The following TEC variants were observed in gnomAD, a reference collection of about 807,000 sequenced individuals.
TEC encodes tyrosine-protein kinase Tec.
A neutral mutation model predicts 93.0 loss-of-function variants in TEC; 72 were observed. The observed-to-expected ratio is 0.77, with a 90% CI of 0.64 to 0.94. TEC has a LOEUF of 0.94. Ranked by LOEUF, TEC falls within the 40% of genes least tolerant of loss-of-function variation. The pLI is 0.00. For synonymous variants in TEC, 249 were observed against 247.7 expected (o/e 1.01, Z -0.05); for missense variants, 630 against 757.9 (o/e 0.83, Z 1.98).
intron 1 of TEC, among the ~76,000 whole-genome samples, chr4:48,246,722 C>G (rs1724067424): frequency 6.6e-6 from 1 of 152,086 alleles, no homozygotes; most frequent in Admixed American, 6.6e-5. Context: ...TAAATTTGGA[C>G]CTCTACCTCA....
At chr4:48,189,411 G>A (rs578230241) in intron 2 of TEC, among the ~76,000 whole-genome samples, 1 of 152,296 alleles carries the variant, frequency 6.6e-6, no homozygotes, top group African/African-American at 2.4e-5. Flanking sequence ...CTAACTCTCA[G>A]CCACCTCTCC....
chr4:48,239,133 A>G (rs562956308), intron 1 of TEC, among the ~76,000 whole-genome samples: 4 of 151,286 alleles, frequency 2.6e-5, no homozygotes, highest in African/African-American at 4.9e-5. Flanking sequence ...AATGCTTTTG[A>G]AAAAAAAAGC....
At chr4:48,177,952 G>C (rs4323077) in intron 2 of TEC, among the ~76,000 whole-genome samples, 57,673 of 151,990 alleles carry the variant, frequency 0.38, 11,971 homozygotes, top group East Asian at 0.9. Flanking sequence ...GAGGCCTCCC[G>C]AGTCATTCAG....
rs777621168 is a variant in TEC, at chr4:48,145,476, G to T, written c.1185C>A (p.Val395=). The change falls in exon 13 of 18, where the codon GTC becomes GTA. Residue 395 remains valine, a synonymous_variant. Transcript: ENST00000381501. ...RLGKWRAQYK[V]AIKAIREGAM... ...CACCTTCCCGAATAGCTTTGATTGC[G>T]ACTTTGTACTGGGCTCGCCATTTGC... 2 of 1,613,900 alleles carry T rather than the reference G, an allele frequency of 1.2e-6. No individual in the cohort carries two copies. The highest frequency in any genetic ancestry group is 3.3e-5 in the Admixed American group (2 of 59,976).
chr4:48,198,803 A>G (rs1722392289), intron 2 of TEC, among the ~76,000 whole-genome samples: 1 of 152,298 alleles, frequency 6.6e-6, no homozygotes, highest in Non-Finnish European at 1.5e-5. Flanking sequence ...ATTTAAGAAA[A>G]AAGAAAAAAC....
chr4:48,138,550 C>T lies in TEC; in HGVS notation c.1812+115G>A, dbSNP rs1719523709. Reference sequence around the variant, plus strand: ...GAGAGGGTTGGCTTCCTACCTAGAGCTTGAAATCACTATAAAGATGCACCA... The same window carrying T: ...GAGAGGGTTGGCTTCCTACCTAGAGTTTGAAATCACTATAAAGATGCACCA... On this transcript the variant is annotated intron_variant, in intron 17 of 17. Transcript: ENST00000381501. 1.3e-5 allele frequency: 16 copies of T among 1,250,562 alleles called. No individual in the cohort carries two copies. The South Asian group carries it at 2.2e-4, about 17-fold the overall frequency. The allele number at this position is 1,250,562 out of a possible 1,614,324, so 77.5% of individuals were successfully genotyped here.
At chr4:48,244,177 C>G (rs1268247845) in intron 1 of TEC, among the ~76,000 whole-genome samples, 2 of 152,158 alleles carry the variant, frequency 1.3e-5, no homozygotes, top group Non-Finnish European at 2.9e-5. Context: ...ACTCCTTCCT[C>G]TCCCCACACT....
rs1162645278 is a variant in TEC, at chr4:48,228,567, C to T, written c.48G>A (p.Gln16=). ...ILEEILIKRS[Q]QKKKTSPLNY... is the part of the protein sequence containing the mutation. Reference sequence around the variant, plus strand: ...TTAAGGGCGATGTCTTCTTTTTCTGCTGTGACCTTTTAATAAGAATCTCCT... The same window carrying T: ...TTAAGGGCGATGTCTTCTTTTTCTGTTGTGACCTTTTAATAAGAATCTCCT... The change falls in exon 2 of 18, where the codon CAG becomes CAA. Residue 16 remains glutamine, a synonymous_variant. Transcript: ENST00000381501. 1 of 1,613,886 alleles carries T rather than the reference C, an allele frequency of 6.2e-7. No individual in the cohort carries two copies. The highest frequency in any genetic ancestry group is 1.1e-5 in the South Asian group (1 of 91,024).
chr4:48,219,489 C>T (rs1432311737), intron 2 of TEC, among the ~76,000 whole-genome samples: 1 of 152,218 alleles, frequency 6.6e-6, no homozygotes, highest in African/African-American at 2.4e-5. Context: ...TCATGCTCCT[C>T]CTGTACTCCT....
rs149527257 is a variant in TEC, at chr4:48,240,140, T to C, written c.-45-11481A>G. ...GAAGAGTATAGACAAAATAAAATTG[T>C]TCATGAGTTGATAACTATTGAAGTT... On this transcript the variant is annotated intron_variant, in intron 1 of 17. Transcript: ENST00000381501. Among the ~76,000 whole-genome samples, 4 of 152,302 alleles carry C rather than the reference T, an allele frequency of 2.6e-5. No individual in the cohort carries two copies. In the East Asian group the frequency reaches 5.8e-4, roughly 22 times the overall value.
At chr4:48,179,356 A>ATATC (rs1553888303) in intron 2 of TEC, among the ~76,000 whole-genome samples, 11 of 34,486 alleles carry the variant, frequency 3.2e-4, no homozygotes, top group African/African-American at 1.3e-3. Context: ...ATATATATAT[A>ATATC]TATATATATA....
chr4:48,181,085 G>A lies in TEC; in HGVS notation c.139-4899C>T, dbSNP rs78070781. Among the ~76,000 whole-genome samples, 568 of 152,218 alleles carry A rather than the reference G, an allele frequency of 3.7e-3. 9 individuals carry two copies. Among genetic ancestry groups the A allele is most frequent in the Admixed American group, 0.027 (411 of 15,292 alleles). On this transcript the variant is annotated intron_variant, in intron 2 of 17. Coordinates refer to ENST00000381501, the MANE Select transcript of TEC (RefSeq NM_003215.3). ...TTGAGTTTGAGTGACCAGGAAACAC[G>A]GACACCATGAATCATGAGAAGGAAC...
At chr4:48,175,109 G>A (rs892466546) in intron 3 of TEC, among the ~76,000 whole-genome samples, 1 of 152,146 alleles carries the variant, frequency 6.6e-6, no homozygotes, top group African/African-American at 2.4e-5. Flanking sequence ...TATAAAATAA[G>A]GAACAGGGAA....
chr4:48,243,849 G>C (rs1723982799), intron 1 of TEC, among the ~76,000 whole-genome samples: 1 of 151,832 alleles, frequency 6.6e-6, no homozygotes, highest in South Asian at 2.1e-4. Context: ...AATAGAATTA[G>C]GAGAAACAAC....
At chr4:48,227,536 C>T (rs555801280) in intron 2 of TEC, among the ~76,000 whole-genome samples, 4 of 149,258 alleles carry the variant, frequency 2.7e-5, no homozygotes, top group South Asian at 2.2e-4. Flanking sequence ...CCCAGCTACT[C>T]GGGAAGCTGC....
chr4:48,240,382 C>T (rs746194811), intron 1 of TEC, among the ~76,000 whole-genome samples: 2 of 151,994 alleles, frequency 1.3e-5, no homozygotes, highest in Non-Finnish European at 2.9e-5. Context: ...AGACAAACAA[C>T]ACAAGAAAAA....
intron 7 of TEC, among the ~76,000 whole-genome samples, chr4:48,164,822 C>G (rs565856784): frequency 6.6e-6 from 1 of 151,900 alleles, no homozygotes; most frequent in Non-Finnish European, 1.5e-5. Context: ...GCCAACATGG[C>G]GAAACCCTAT....
Position 48,188,888 on chromosome 4 carries a change from T to TGTGTGTGTGTGTGC in TEC, c.139-12703_139-12702insGCACACACACACAC, listed in dbSNP as rs1560399754. 1.1e-4 allele frequency among the ~76,000 whole-genome samples: 16 copies of TGTGTGTGTGTGTGC among 152,060 alleles called. No homozygotes were observed. In the East Asian group the frequency reaches 2.9e-3, roughly 28 times the overall value. On this transcript the variant is annotated intron_variant, in intron 2 of 17. Transcript: ENST00000381501. ...GTGTGTGTGCATGTGTGTGTGTGTG[T>TGTGTGTGTGTGTGC]GCGCGCCCATGCATATGCGCGCACA...
intron 2 of TEC, among the ~76,000 whole-genome samples, chr4:48,228,222 C>T (rs1388644946): frequency 6.6e-6 from 1 of 152,138 alleles, no homozygotes; most frequent in Admixed American, 6.5e-5. Context: ...ATGTACAATG[C>T]ACCTTACAAA....
Sources: gnomAD v4.1 joint callset for allele counts (sites outside exome capture counted in the v4.1 genomes callset) on GRCh38, gnomAD v4.1.1 for gene constraint, MANE v1.5 for transcripts, NCBI Gene and HGNC (gene_info 2026-07-23, HGNC 2026-07-21) for gene names.